Variants in NAV2 observed in about 807,000 individuals in gnomAD.
NAV2 encodes helicase, APC down-regulated 1.
A neutral mutation model predicts 223.2 loss-of-function variants in NAV2; 54 were observed. The ratio of observed to expected loss-of-function variants is 0.24; its 90% CI spans 0.19 to 0.30. The LOEUF (loss-of-function observed/expected upper bound fraction) is 0.30. Among genes scored for constraint, NAV2 ranks in the 10% least tolerant of loss-of-function variants. The pLI, the probability that NAV2 is intolerant of heterozygous loss-of-function variation, is 1.00. For synonymous variants in NAV2, 1,279 were observed against 1,239.3 expected (o/e 1.03, Z -0.67); for missense variants, 2,806 against 3,147.5 (o/e 0.89, Z 2.60).
At chr11:19,461,084 C>T (rs1479664963) in intron 1 of NAV2, among the ~76,000 whole-genome samples, 1 of 152,196 alleles carries the variant, frequency 6.6e-6, no homozygotes, top group Non-Finnish European at 1.5e-5. Context: ...TTGTAACCAG[C>T]ACTTTCCCAT....
chr11:19,411,297 C>T (rs539847890), intron 1 of NAV2, among the ~76,000 whole-genome samples: 1 of 152,322 alleles, frequency 6.6e-6, no homozygotes, highest in East Asian at 1.9e-4. Context: ...TTGAAAGCCA[C>T]TGGGTTGTGG....
At chr11:19,548,423 A>C (rs1396539175) in intron 1 of NAV2, among the ~76,000 whole-genome samples, 2 of 152,196 alleles carry the variant, frequency 1.3e-5, no homozygotes, top group Non-Finnish European at 1.5e-5. Flanking sequence ...TCGCAGATGC[A>C]GTAGCTGAGG....
chr11:19,392,801 G>A (rs1313327153), intron 1 of NAV2, among the ~76,000 whole-genome samples: 1 of 152,236 alleles, frequency 6.6e-6, no homozygotes, highest in Non-Finnish European at 1.5e-5. Context: ...TGAGGTTCAA[G>A]TGTGATCTTG....
At chr11:20,069,078 T>G (rs2059229615) in intron 22 of NAV2, among the ~76,000 whole-genome samples, 1 of 151,274 alleles carries the variant, frequency 6.6e-6, no homozygotes, top group East Asian at 1.9e-4. Context: ...TGGTGGGGGA[T>G]GAAAAAGGGG....
intron 10 of NAV2, among the ~76,000 whole-genome samples, chr11:19,971,244 C>T (rs145587403): frequency 6.6e-6 from 1 of 151,946 alleles, no homozygotes; most frequent in Non-Finnish European, 1.5e-5. Context: ...GCTCACTATG[C>T]GAGGGACGGG....
intron 1 of NAV2, among the ~76,000 whole-genome samples, chr11:19,571,165 A>G (rs763490319): frequency 2.6e-5 from 4 of 152,252 alleles, no homozygotes; most frequent in Non-Finnish European, 5.9e-5. Context: ...ACATTATGTT[A>G]AGTGAAAGAA....
chr11:20,032,550 A>T (rs1657174748), intron 11 of NAV2, among the ~76,000 whole-genome samples: 1 of 152,192 alleles, frequency 6.6e-6, no homozygotes, highest in African/African-American at 2.4e-5. Flanking sequence ...TTTCTTCTTC[A>T]TCAAATTATG....
intron 1 of NAV2, among the ~76,000 whole-genome samples, chr11:19,439,710 A>G (rs1851333593): frequency 1.3e-5 from 2 of 152,252 alleles, no homozygotes; most frequent in African/African-American, 2.4e-5. Context: ...ATACATTTTT[A>G]TGAATGAACA....
chr11:19,920,576 C>T (rs779217834), intron 6 of NAV2, among the ~76,000 whole-genome samples: 2 of 152,122 alleles, frequency 1.3e-5, no homozygotes, highest in African/African-American at 4.8e-5. Context: ...CATGAGTCAC[C>T]GAGCCCGGCT....
At chr11:19,489,375 T>G (rs1364205217) in intron 1 of NAV2, among the ~76,000 whole-genome samples, 1 of 152,198 alleles carries the variant, frequency 6.6e-6, no homozygotes, top group Admixed American at 6.5e-5. Flanking sequence ...AATGATACAT[T>G]TCTTAGAAAA....
At chr11:19,763,981 GAAATAAGCT>G (rs1352959993) in intron 1 of NAV2, among the ~76,000 whole-genome samples, 3 of 152,108 alleles carry the variant, frequency 2.0e-5, no homozygotes, top group Non-Finnish European at 4.4e-5. Context: ...AAATTGAGCA[GAAATAAGCT>G]AATAAGAGAT....
chr11:19,736,962 A>G (rs920644944), intron 1 of NAV2, among the ~76,000 whole-genome samples: 1 of 152,196 alleles, frequency 6.6e-6, no homozygotes, highest in Non-Finnish European at 1.5e-5. Context: ...TGCCAGCCCC[A>G]TTTTGGCGGG....
chr11:20,066,940 C>A (rs1481737065), intron 20 of NAV2, among the ~76,000 whole-genome samples: 1 of 152,124 alleles, frequency 6.6e-6, no homozygotes, highest in Non-Finnish European at 1.5e-5. Flanking sequence ...TCTTTATGAG[C>A]CCCTGTGGGA....
At chr11:19,776,704 T>C (rs1359182450) in intron 1 of NAV2, among the ~76,000 whole-genome samples, 1 of 138,142 alleles carries the variant, frequency 7.2e-6, no homozygotes, top group Non-Finnish European at 1.6e-5. Flanking sequence ...CAGAAATGCA[T>C]CCATCCTGCA....
intron 1 of NAV2, among the ~76,000 whole-genome samples, chr11:19,551,233 A>G (rs1279973825): frequency 2.0e-5 from 3 of 152,374 alleles, no homozygotes; most frequent in African/African-American, 7.2e-5. Context: ...ATGCAAGAAC[A>G]TGTGCAGGTT....
intron 1 of NAV2, among the ~76,000 whole-genome samples, chr11:19,793,852 G>A (rs1171144850): frequency 6.6e-6 from 1 of 152,128 alleles, no homozygotes; most frequent in Non-Finnish European, 1.5e-5. Context: ...CTTTGCCTTG[G>A]CTGTTCTGCT....
chr11:20,049,848 C>T lies in NAV2; in HGVS notation c.4383C>T (p.Ser1461=), dbSNP rs2057800977. 4 of 1,614,148 alleles carry T rather than the reference C, an allele frequency of 2.5e-6. No individual in the cohort carries two copies. The highest frequency in any genetic ancestry group is 1.1e-5 in the South Asian group (1 of 91,080). ...KTTLSESPLS[S]PAASPKFCRS... ...CCTGGACTTCTAGCCCTCTCTCTTC[C>T]CCTGCTGCTAGCCCTAAGTTCTGCA... Residue 1461 remains serine, a synonymous_variant, in exon 16 of 38, where the codon TCC becomes TCT. Coordinates refer to ENST00000349880, the MANE Select transcript of NAV2 (RefSeq NM_145117.5).
intron 1 of NAV2, among the ~76,000 whole-genome samples, chr11:19,684,207 A>G (rs1451014985): frequency 6.6e-6 from 1 of 152,190 alleles, no homozygotes; most frequent in Non-Finnish European, 1.5e-5. Flanking sequence ...CTGTTCCTGA[A>G]CTCAATTTAA....
At chr11:20,056,665 C>T in intron 19 of NAV2, 1 of 1,391,226 alleles carries the variant, frequency 7.2e-7, no homozygotes, top group South Asian at 1.2e-5. Flanking sequence ...AGGATATCAT[C>T]CCCACCCCAT....
Sources: gnomAD v4.1 joint callset for allele counts (sites outside exome capture counted in the v4.1 genomes callset) on GRCh38, gnomAD v4.1.1 for gene constraint, MANE v1.5 for transcripts, NCBI Gene and HGNC (gene_info 2026-07-23, HGNC 2026-07-21) for gene names.